CDK19: variants seen among roughly 807,000 people sequenced by gnomAD.
The protein encoded by CDK19 is cyclin-dependent kinase 19.
In CDK19, 20 loss-of-function variants were observed where a neutral mutation model predicts 68.3. The observed-to-expected ratio is 0.29, with a 90% confidence interval of 0.21 to 0.43. The LOEUF (loss-of-function observed/expected upper bound fraction) is 0.43, where lower values mean the gene tolerates loss of function less well. Among genes scored for constraint, CDK19 ranks in the 20% least tolerant of loss-of-function variants. The pLI, the probability that CDK19 is intolerant of heterozygous loss-of-function variation, is 1.00. For synonymous variants in CDK19, 221 were observed against 222.8 expected (o/e 0.99, Z 0.07); for missense variants, 339 against 623.5 (o/e 0.54, Z 4.86).
chr6:110,664,271 T>C (rs1042792724), intron 4 of CDK19, among the ~76,000 whole-genome samples: 1 of 152,210 alleles, frequency 6.6e-6, no homozygotes, highest in Non-Finnish European at 1.5e-5. Context: ...ATTTAAATTC[T>C]AGTCATCCTT....
rs151037786 is a variant in CDK19, at chr6:110,730,808, T to C, written c.204+15318A>G. ...GGCTCACACCTGTAATCCCAGCACT[T>C]TGGGAGGCCAAGGCAGGCCTATTAC... On this transcript the variant is annotated intron_variant, in intron 2 of 12. Coordinates refer to ENST00000368911, the MANE Select transcript of CDK19 (RefSeq NM_015076.5). Among the ~76,000 whole-genome samples the C allele has an allele frequency of 5.2e-3, 786 of 152,266 alleles. 5 individuals carry two copies. The highest frequency in any genetic ancestry group is 0.018 in the African/African-American group (764 of 41,542).
At chr6:110,785,841 G>A (rs983648468) in intron 1 of CDK19, among the ~76,000 whole-genome samples, 9 of 152,048 alleles carry the variant, frequency 5.9e-5, no homozygotes, top group Admixed American at 4.6e-4. Context: ...TCAGCCAGGC[G>A]TGCTGGCACA....
At chr6:110,740,232 A>G (rs1340175704) in intron 2 of CDK19, among the ~76,000 whole-genome samples, 1 of 152,190 alleles carries the variant, frequency 6.6e-6, no homozygotes, top group Non-Finnish European at 1.5e-5. Context: ...TAATCGCAAA[A>G]CAAATTAATG....
At chr6:110,683,403 T>G (rs1443641904) in intron 2 of CDK19, among the ~76,000 whole-genome samples, 1 of 152,134 alleles carries the variant, frequency 6.6e-6, no homozygotes, top group Admixed American at 6.6e-5. Context: ...TCCGGTTAGC[T>G]TTGACATCAG....
intron 2 of CDK19, among the ~76,000 whole-genome samples, chr6:110,744,250 A>AC (rs35365072): frequency 0.12 from 18,220 of 151,460 alleles, 1,443 homozygotes; most frequent in Admixed American, 0.26. Context: ...CAGGTGATCC[A>AC]CCCCCCCAAC....
intron 2 of CDK19, among the ~76,000 whole-genome samples, chr6:110,717,367 T>C (rs1667479994): frequency 6.6e-6 from 1 of 152,092 alleles, no homozygotes; most frequent in Admixed American, 6.6e-5. Flanking sequence ...AATCAGTCAA[T>C]GAGCCCTTAG....
At chr6:110,774,097 C>T (rs1261099063) in intron 1 of CDK19, among the ~76,000 whole-genome samples, 1 of 152,148 alleles carries the variant, frequency 6.6e-6, no homozygotes, top group African/African-American at 2.4e-5. Flanking sequence ...ATATAGGTAA[C>T]ATTCACAATT....
chr6:110,802,797 A>G (rs1782429841), intron 1 of CDK19, among the ~76,000 whole-genome samples: 1 of 152,256 alleles, frequency 6.6e-6, no homozygotes, highest in African/African-American at 2.4e-5. Context: ...AGTATTTACT[A>G]GAAACAAATT....
At chr6:110,714,020 C>T (rs1179274420) in intron 2 of CDK19, among the ~76,000 whole-genome samples, 1 of 152,168 alleles carries the variant, frequency 6.6e-6, no homozygotes, top group Non-Finnish European at 1.5e-5. Flanking sequence ...GTAAGAATCA[C>T]AATTATATAA....
chr6:110,699,618 T>C (rs1773819835), intron 2 of CDK19, among the ~76,000 whole-genome samples: 1 of 152,168 alleles, frequency 6.6e-6, no homozygotes, highest in Admixed American at 6.6e-5. Context: ...ATATTGGTTA[T>C]AATGTACACT....
intron 1 of CDK19, among the ~76,000 whole-genome samples, chr6:110,784,470 A>T: frequency 6.6e-6 from 1 of 152,190 alleles, no homozygotes; most frequent in Non-Finnish European, 1.5e-5. Flanking sequence ...TAAAATCAGA[A>T]AGATAGACAA....
intron 2 of CDK19, among the ~76,000 whole-genome samples, chr6:110,671,607 A>T (rs1424716920): frequency 6.6e-6 from 1 of 152,232 alleles, no homozygotes; most frequent in Non-Finnish European, 1.5e-5. Flanking sequence ...TCAAATAGCT[A>T]GAAAGAGAAG....
At chr6:110,691,681 T>A (rs935717769) in intron 2 of CDK19, among the ~76,000 whole-genome samples, 2 of 151,328 alleles carry the variant, frequency 1.3e-5, no homozygotes, top group Non-Finnish European at 2.9e-5. Context: ...GGAGTCTCGC[T>A]CTGTCGCCCA....
rs543112352 is a variant in CDK19 at position 110,770,036 on chromosome 6, A to G, written c.129-23835T>C. The stretch of plus-strand genomic sequence containing the variant: ...GGAAGTAAAATTGTAGCTTACCCCA[A>G]TAAATAGCCTGAAATTCACCTATCT... On this transcript the variant is annotated intron_variant, in intron 1 of 12. Coordinates refer to ENST00000368911, the MANE Select transcript of CDK19 (RefSeq NM_015076.5). Among the ~76,000 whole-genome samples the G allele has an allele frequency of 2.2e-4, 33 of 152,320 alleles. No homozygotes were observed. In the South Asian group the frequency reaches 5.8e-3, roughly 27 times the overall value.
intron 2 of CDK19, among the ~76,000 whole-genome samples, chr6:110,712,921 A>G (rs566365904): frequency 8.5e-5 from 13 of 152,272 alleles, no homozygotes; most frequent in African/African-American, 3.1e-4. Context: ...GTTAAAAAGC[A>G]ACATATGGCC....
intron 10 of CDK19, 108 bp from the exon 11 acceptor site, chr6:110,622,274 T>A: frequency 1.3e-6 from 1 of 762,990 alleles, no homozygotes; most frequent in Admixed American, 2.3e-5. Context: ...TTCCTACTCT[T>A]CATCTGTGGC....
At chr6:110,711,401 A>T (rs766563600) in intron 2 of CDK19, among the ~76,000 whole-genome samples, 1 of 152,198 alleles carries the variant, frequency 6.6e-6, no homozygotes, top group African/African-American at 2.4e-5. Flanking sequence ...TCAAAAGGGT[A>T]TTTGAATTAT....
chr6:110,735,643 G>A (rs1240430237), intron 2 of CDK19, among the ~76,000 whole-genome samples: 1 of 152,108 alleles, frequency 6.6e-6, no homozygotes, highest in African/African-American at 2.4e-5. Flanking sequence ...TAAAAAACAG[G>A]TTGCACAGAC....
chr6:110,714,137 C>T (rs1463587181), intron 2 of CDK19, among the ~76,000 whole-genome samples: 2 of 152,202 alleles, frequency 1.3e-5, no homozygotes. Context: ...TCTGCTATGT[C>T]TATGGATTTG....
Sources: gnomAD v4.1 joint callset for allele counts (sites outside exome capture counted in the v4.1 genomes callset) on GRCh38, gnomAD v4.1.1 for gene constraint, MANE v1.5 for transcripts, NCBI Gene and HGNC (gene_info 2026-07-23, HGNC 2026-07-21) for gene names.